Variants in ZBTB40 observed in about 807,000 individuals in gnomAD.
ZBTB40 encodes the protein zinc finger and BTB domain-containing protein 40.
A neutral mutation model predicts 117.5 loss-of-function variants in ZBTB40; 60 were observed. The ratio of observed to expected loss-of-function variants is 0.51; its 90% CI spans 0.41 to 0.63. The LOEUF is 0.63. Ranked by LOEUF, ZBTB40 falls within the 30% of genes least tolerant of loss-of-function variation. The probability of loss-of-function intolerance (pLI) is 0.00; values close to 1 mark genes in which losing one functional copy is unlikely to be tolerated. For missense variants in ZBTB40, 1,287 were observed against 1,498.5 expected (o/e 0.86, Z 2.33); for synonymous variants, 525 against 577.1 (o/e 0.91, Z 1.29).
chr1:22,465,594 CA>C (rs1641235385), intron 1 of ZBTB40, among the ~76,000 whole-genome samples: 1 of 152,174 alleles, frequency 6.6e-6, no homozygotes, highest in African/African-American at 2.4e-5. Flanking sequence ...TGCTGTTGTT[CA>C]TGGTGCTTGG....
chr1:22,479,920 T>TG (rs1484914052), intron 1 of ZBTB40, among the ~76,000 whole-genome samples: 6 of 152,244 alleles, frequency 3.9e-5, no homozygotes, highest in East Asian at 1.9e-4. Flanking sequence ...TTTGTTTTTT[T>TG]GGGGGGGACA....
intron 1 of ZBTB40, among the ~76,000 whole-genome samples, chr1:22,433,575 T>C (rs1256956668): frequency 6.8e-6 from 1 of 147,980 alleles, no homozygotes; most frequent in Non-Finnish European, 1.5e-5. Context: ...ATGCAAATAT[T>C]AAGCCATTAT....
chr1:22,526,454 C>G lies in ZBTB40; in HGVS notation c.*58C>G, dbSNP rs1639682385. 6.8e-6 allele frequency: 11 copies of G among 1,607,540 alleles called. No individual in the cohort carries two copies. Among genetic ancestry groups the G allele is most frequent in the Non-Finnish European group, 9.3e-6 (11 of 1,177,494 alleles). ...TTGCAGCAGAGAGGAGGCCCCACAG[C>G]TTGCCCTTTGCCCTCCATCCCTGGC... On this transcript the variant is annotated 3_prime_UTR_variant, in exon 18 of 18. Coordinates refer to ENST00000375647, the MANE Select transcript of ZBTB40 (RefSeq NM_014870.4).
At chr1:22,458,509 C>A (rs1641056808) in intron 1 of ZBTB40, among the ~76,000 whole-genome samples, 1 of 151,928 alleles carries the variant, frequency 6.6e-6, no homozygotes, top group Admixed American at 6.6e-5. Flanking sequence ...CTGGTATCAA[C>A]CAGGCCAGTA....
chr1:22,492,075 C>T (rs942333757), intron 3 of ZBTB40, among the ~76,000 whole-genome samples: 4 of 152,142 alleles, frequency 2.6e-5, no homozygotes, highest in African/African-American at 4.8e-5. Context: ...TCACAAAAAT[C>T]ATCAGTGTGA....
At chr1:22,509,289 C>G (rs1639166684) in intron 9 of ZBTB40, 56 bp downstream of exon 9, 2 of 1,610,484 alleles carry the variant, frequency 1.2e-6, no homozygotes, top group East Asian at 4.5e-5. Flanking sequence ...TTGCCTGGGA[C>G]TGTCTTCATT....
chr1:22,429,914 G>C (rs1292857755), intron 1 of ZBTB40, among the ~76,000 whole-genome samples: 1 of 152,106 alleles, frequency 6.6e-6, no homozygotes, highest in Non-Finnish European at 1.5e-5. Flanking sequence ...AGAATCGCTT[G>C]AACCCCGGGA....
intron 3 of ZBTB40, among the ~76,000 whole-genome samples, chr1:22,494,815 A>G (rs1389265538): frequency 6.6e-6 from 1 of 152,252 alleles, no homozygotes; most frequent in African/African-American, 2.4e-5. Flanking sequence ...TCTTGACAGC[A>G]GAGAAATCCT....
intron 1 of ZBTB40, among the ~76,000 whole-genome samples, chr1:22,476,702 T>G (rs10917237): frequency 0.4 from 60,171 of 152,146 alleles, 14,803 homozygotes; most frequent in African/African-American, 0.66. Context: ...AGTATCTTTA[T>G]TCTATATCAG....
At chr1:22,510,654 C>T (rs1295659153) in intron 9 of ZBTB40, among the ~76,000 whole-genome samples, 1 of 152,078 alleles carries the variant, frequency 6.6e-6, no homozygotes, top group African/African-American at 2.4e-5. Context: ...TCTATTTGAA[C>T]CTTCTTTAAA....
chr1:22,478,278 C>T (rs1343137511), intron 1 of ZBTB40, among the ~76,000 whole-genome samples: 3 of 151,958 alleles, frequency 2.0e-5, no homozygotes, highest in African/African-American at 7.3e-5. Context: ...GACGGAGTCT[C>T]GCTCTGTCGC....
intron 1 of ZBTB40, among the ~76,000 whole-genome samples, chr1:22,483,388 G>A (rs957515701): frequency 6.6e-6 from 1 of 152,162 alleles, no homozygotes; most frequent in African/African-American, 2.4e-5. Flanking sequence ...TAGAATGTCT[G>A]TACTATTTTG....
In ZBTB40 at chr1:22,511,250, A is replaced by G. The variant is rs1639223352; in HGVS notation, c.1905A>G (p.Glu635=). The change falls in exon 10 of 18, where the codon GAA becomes GAG. Residue 635 remains glutamate (E), a synonymous_variant. Transcript: ENST00000375647. ...GAGCAGTGCTGAGCAGAGCCATGGA[A>G]AAATCAGTCCCGGCCATTGAAATAT... ...SLRAVLSRAM[E]KSVPAIEICH... The G allele has an allele frequency of 1.2e-6, 2 of 1,614,070 alleles. No individual in the cohort carries two copies. The highest frequency in any genetic ancestry group is 2.2e-5 in the East Asian group (1 of 44,858).
rs1309258802 is a variant in ZBTB40 at position 22,489,935 on chromosome 1, G to A, written c.-14G>A. ...GAGGAGAGGAAGAGCAGTTCTTGGG[G>A]CAGAGTTGACGCAATGGAGCTCCCC... is the stretch of plus-strand genomic sequence containing the variant. On this transcript the variant is annotated 5_prime_UTR_variant, in exon 2 of 18. Transcript: ENST00000375647. 3 of 1,607,890 alleles carry A rather than the reference G, an allele frequency of 1.9e-6. No individual in the cohort carries two copies. Among genetic ancestry groups the A allele is most frequent in the Non-Finnish European group, 2.5e-6 (3 of 1,179,648 alleles).
chr1:22,503,702 ACTT>A (rs1372678216), intron 5 of ZBTB40, among the ~76,000 whole-genome samples: 1 of 152,228 alleles, frequency 6.6e-6, no homozygotes, highest in East Asian at 1.9e-4. Context: ...AGTCCTTTGA[ACTT>A]CTTAGAGAAA....
intron 1 of ZBTB40, among the ~76,000 whole-genome samples, chr1:22,464,607 A>C (rs1641208562): frequency 6.6e-6 from 1 of 152,244 alleles, no homozygotes; most frequent in Non-Finnish European, 1.5e-5. Context: ...TATAAGGTTT[A>C]TGCATGTTTA....
chr1:22,469,541 T>G (rs968577004), intron 1 of ZBTB40, among the ~76,000 whole-genome samples: 2 of 151,866 alleles, frequency 1.3e-5, no homozygotes, highest in Non-Finnish European at 2.9e-5. Context: ...CCTGATAGGG[T>G]TTTTTTGTTT....
At chr1:22,466,652 A>G (rs1048360388) in intron 1 of ZBTB40, among the ~76,000 whole-genome samples, 1 of 152,090 alleles carries the variant, frequency 6.6e-6, no homozygotes, top group African/African-American at 2.4e-5. Context: ...GATGATGAAC[A>G]TCTGTTCATG....
At chr1:22,489,845 G>T (rs1638571948) in intron 1 of ZBTB40, 35 bp from the exon 2 acceptor site, 3 of 1,081,834 alleles carry the variant, frequency 2.8e-6, no homozygotes, top group Non-Finnish European at 4.2e-6. Flanking sequence ...ATGGTTTTTT[G>T]AAGTTTTAAC....
Sources: gnomAD v4.1 joint callset for allele counts (sites outside exome capture counted in the v4.1 genomes callset) on GRCh38, gnomAD v4.1.1 for gene constraint, MANE v1.5 for transcripts, NCBI Gene and HGNC (gene_info 2026-07-23, HGNC 2026-07-21) for gene names.